ZC3H11A: variants seen among roughly 807,000 people sequenced by gnomAD.
ZC3H11A encodes zinc finger CCCH domain-containing protein 11A.
Under a neutral mutation model 90.8 loss-of-function variants are expected in ZC3H11A, and 22 were observed. The ratio of observed to expected loss-of-function variants is 0.24; its 90% CI spans 0.17 to 0.35. The LOEUF is 0.35. ZC3H11A is among the 10% of genes least tolerant of loss of function. ZC3H11A has a pLI of 1.00. For synonymous variants in ZC3H11A, 294 were observed against 339.8 expected (o/e 0.87, Z 1.48); for missense variants, 701 against 964.9 (o/e 0.73, Z 3.62).
chr1:203,804,475 G>A (rs1671573416), intron 2 of ZC3H11A, among the ~76,000 whole-genome samples: 1 of 151,786 alleles, frequency 6.6e-6, no homozygotes, highest in African/African-American at 2.4e-5. Context: ...TTTTTATTGT[G>A]AATGGTCTCT....
chr1:203,804,305 C>T (rs1430543729), intron 2 of ZC3H11A, among the ~76,000 whole-genome samples: 4 of 152,036 alleles, frequency 2.6e-5, no homozygotes, highest in African/African-American at 7.2e-5. Flanking sequence ...GCACCCGCCA[C>T]CTCGCCTGGC....
In ZC3H11A at chr1:203,847,244, G is replaced by A; in HGVS notation, c.1103G>A (p.Arg368Lys). The A allele has an allele frequency of 6.2e-7, 1 of 1,613,856 alleles. No homozygotes were observed. Among genetic ancestry groups the A allele is most frequent in the Non-Finnish European group, 8.5e-7 (1 of 1,179,840 alleles). ...ACATTAGAAGAAATTCTTCTTGAAA[G>A]AGCCAGTCAGAAACGTGGAGAATTG... ...VKTLEEILLERASQKRGELQT... is the reference protein window; with the variant it reads ...VKTLEEILLEKASQKRGELQT... The change falls in exon 13 of 18, where the codon AGA becomes AAA. Residue 368 changes from arginine (R) to lysine (K), a missense_variant. Coordinates refer to ENST00000367210, the MANE Select transcript of ZC3H11A (RefSeq NM_001376342.1).
At chr1:203,798,478 C>T (rs1669396259) in intron 1 of ZC3H11A, 5 of 1,536,110 alleles carry the variant, frequency 3.3e-6, no homozygotes, top group Non-Finnish European at 4.4e-6. Flanking sequence ...ATCCATTGGG[C>T]TGTTGCCAAC....
chr1:203,835,424 G>A (rs1376109455), intron 10 of ZC3H11A, among the ~76,000 whole-genome samples: 1 of 152,138 alleles, frequency 6.6e-6, no homozygotes, highest in East Asian at 1.9e-4. Context: ...TACGAAAAAA[G>A]CTTAGAAGAG....
chr1:203,834,022 G>T, intron 10 of ZC3H11A, 169 bp downstream of exon 10: 1 of 1,274,826 alleles, frequency 7.8e-7, no homozygotes, highest in Non-Finnish European at 9.9e-7. Context: ...TTTTATTGAA[G>T]ATACAGAGAT....
At chr1:203,836,599 A>G (rs1388726233) in intron 10 of ZC3H11A, among the ~76,000 whole-genome samples, 1 of 152,166 alleles carries the variant, frequency 6.6e-6, no homozygotes, top group East Asian at 1.9e-4. Flanking sequence ...CATCTCTACT[A>G]CAAAAAAGTC....
At chr1:203,842,624 TC>T (rs1336374447) in intron 12 of ZC3H11A, among the ~76,000 whole-genome samples, 1 of 139,272 alleles carries the variant, frequency 7.2e-6, no homozygotes, top group Non-Finnish European at 1.6e-5. Context: ...GGAGGGGGAA[TC>T]TTTTTTTTTT....
chr1:203,831,116 G>A (rs1259139406), intron 8 of ZC3H11A, among the ~76,000 whole-genome samples: 1 of 151,474 alleles, frequency 6.6e-6, no homozygotes, highest in Non-Finnish European at 1.5e-5. Context: ...GGGTAATTTT[G>A]TATTTTTGGT....
intron 11 of ZC3H11A, 142 bp downstream of exon 11, chr1:203,838,206 T>G: frequency 1.2e-6 from 1 of 826,310 alleles, no homozygotes; most frequent in South Asian, 1.9e-5. Context: ...CAACAAACAT[T>G]TGATCCTTAG....
chr1:203,838,112 T>A (rs993791940), intron 11 of ZC3H11A, 48 bp downstream of exon 11: 5 of 1,534,392 alleles, frequency 3.3e-6, no homozygotes, highest in Non-Finnish European at 4.5e-6. Context: ...TTATGACACT[T>A]GTGTCTTGTA....
At chr1:203,841,142 CTT>C (rs1303978527) in intron 12 of ZC3H11A, among the ~76,000 whole-genome samples, 1 of 129,802 alleles carries the variant, frequency 7.7e-6, no homozygotes. Context: ...ACATAAGAAT[CTT>C]TTTTTTTTTT....
chr1:203,841,987 C>G (rs1305493048), intron 12 of ZC3H11A, among the ~76,000 whole-genome samples: 1 of 151,020 alleles, frequency 6.6e-6, no homozygotes, highest in African/African-American at 2.4e-5. Context: ...AGAGGGGCTC[C>G]TCACATCCCA....
At position 203,830,172 on chromosome 1, in the gene ZC3H11A, G is replaced by T. The variant is rs760994151; in HGVS notation, c.669G>T (p.Lys223Asn). The T allele has an allele frequency of 6.3e-7, 1 of 1,598,774 alleles. No individual in the cohort carries two copies. Among genetic ancestry groups the T allele is most frequent in the Admixed American group, 1.9e-5 (1 of 53,644 alleles). The change falls in exon 8 of 18, where the codon AAG becomes AAT. Residue 223 changes from lysine (K) to asparagine (N), a missense_variant. By Grantham distance (94) the Lys-to-Asn change is moderately conservative (BLOSUM62 0). Around this residue, in one of 4 missense-constraint regions of ZC3H11A, gnomAD observed 530 missense variants for 696.2 expected, o/e 0.76. Transcript: ENST00000367210. ...AAACTCTTGAGGAAATTAAGTCAAA[G>T]AAAATGAAGGAAAAATCTAAGAAGC... ...GIKTLEEIKS[K>N]KMKEKSKKQG...
chr1:203,828,727 C>T (rs1038281210), intron 5 of ZC3H11A, among the ~76,000 whole-genome samples: 30 of 152,088 alleles, frequency 2.0e-4, no homozygotes, highest in African/African-American at 6.3e-4. Context: ...AAAACTGGTC[C>T]TCTGCCTGTT....
chr1:203,841,928 C>T (rs180888285), intron 12 of ZC3H11A, among the ~76,000 whole-genome samples: 2,563 of 144,048 alleles, frequency 0.018, 67 homozygotes, highest in African/African-American at 0.059. Context: ...GATGGGGTGG[C>T]GGTCGGGCAG....
intron 1 of ZC3H11A, chr1:203,796,011 C>A (rs1668323827): frequency 6.7e-6 from 1 of 150,006 alleles, no homozygotes; most frequent in African/African-American, 2.5e-5. Context: ...CTCCCGCTCA[C>A]TTTTCCCATC....
At chr1:203,799,775 A>G in intron 1 of ZC3H11A, 2 of 1,000,634 alleles carry the variant, frequency 2.0e-6, no homozygotes, top group Non-Finnish European at 3.0e-6. Context: ...AACTTGAAAC[A>G]GATACCCTAC....
chr1:203,813,661 A>C (rs1436556663), intron 2 of ZC3H11A, among the ~76,000 whole-genome samples: 1 of 152,102 alleles, frequency 6.6e-6, no homozygotes, highest in East Asian at 1.9e-4. Context: ...TGAAGGTGAG[A>C]TGTCTAAAAT....
chr1:203,837,146 T>A (rs537825464), intron 10 of ZC3H11A, among the ~76,000 whole-genome samples: 1 of 151,800 alleles, frequency 6.6e-6, no homozygotes, highest in Non-Finnish European at 1.5e-5. Flanking sequence ...AATACAAAAA[T>A]TAACCAGGCA....
Sources: allele counts gnomAD v4.1 joint callset (sites outside exome capture counted in the v4.1 genomes callset), GRCh38; gene constraint gnomAD v4.1.1; regional missense constraint gnomAD v4.1.1; transcripts MANE v1.5; gene names NCBI Gene and HGNC (gene_info 2026-07-23, HGNC 2026-07-21).